The following GPR158 variants were observed in gnomAD, a reference collection of about 807,000 sequenced individuals.
The protein encoded by GPR158 is metabotropic glycine receptor.
Under a neutral mutation model 78.2 loss-of-function variants are expected in GPR158, and 30 were observed. The ratio of observed to expected loss-of-function variants is 0.38; its 90% CI spans 0.29 to 0.52. GPR158 has a LOEUF of 0.52. Among genes scored for constraint, GPR158 ranks in the 20% least tolerant of loss-of-function variants. The pLI is 0.83. For synonymous variants in GPR158, 581 were observed against 591.1 expected (o/e 0.98, Z 0.25); for missense variants, 1,463 against 1,523.5 (o/e 0.96, Z 0.66).
chr10:25,207,345 CT>C (rs1396240731), intron 1 of GPR158, among the ~76,000 whole-genome samples: 1 of 152,112 alleles, frequency 6.6e-6, no homozygotes, highest in Non-Finnish European at 1.5e-5. Context: ...CTCTATTAAT[CT>C]GTTTCCCCCC....
At chr10:25,480,298 A>G (rs1324494805) in intron 5 of GPR158, among the ~76,000 whole-genome samples, 2 of 152,138 alleles carry the variant, frequency 1.3e-5, no homozygotes, top group Admixed American at 1.3e-4. Flanking sequence ...ATTTTTATTC[A>G]TCTTTATTAT....
At chr10:25,585,094 T>C (rs1837249478) in intron 7 of GPR158, among the ~76,000 whole-genome samples, 1 of 152,220 alleles carries the variant, frequency 6.6e-6, no homozygotes, top group African/African-American at 2.4e-5. Flanking sequence ...TCACAATTAA[T>C]CAGTTACAAA....
chr10:25,246,757 G>T (rs1285081343), intron 2 of GPR158, among the ~76,000 whole-genome samples: 1 of 152,158 alleles, frequency 6.6e-6, no homozygotes, highest in South Asian at 2.1e-4. Context: ...GATTATTCTT[G>T]TAAGTTAAAG....
At chr10:25,256,503 T>C (rs1853890145) in intron 2 of GPR158, among the ~76,000 whole-genome samples, 1 of 151,956 alleles carries the variant, frequency 6.6e-6, no homozygotes, top group Non-Finnish European at 1.5e-5. Context: ...TACAATTTTT[T>C]TTTTAATTAG....
intron 4 of GPR158, among the ~76,000 whole-genome samples, chr10:25,419,690 A>G (rs1179290096): frequency 6.6e-6 from 1 of 152,072 alleles, no homozygotes; most frequent in African/African-American, 2.4e-5. Flanking sequence ...TTGTTTTAGT[A>G]TTAGCCATCT....
chr10:25,311,563 C>G (rs1427215869), intron 2 of GPR158, among the ~76,000 whole-genome samples: 1 of 152,064 alleles, frequency 6.6e-6, no homozygotes, highest in East Asian at 1.9e-4. Context: ...TGCTTCATCA[C>G]AGACGTTCTG....
chr10:25,492,025 G>A (rs554182034), intron 5 of GPR158, among the ~76,000 whole-genome samples: 1 of 152,274 alleles, frequency 6.6e-6, no homozygotes, highest in Admixed American at 6.5e-5. Context: ...TGTACAAGGA[G>A]CTTGGTGCCA....
rs1406361296 is a variant in GPR158 at position 25,370,670 on chromosome 10, G to A, written c.1009-25241G>A. Among the ~76,000 whole-genome samples the A allele has an allele frequency of 5.3e-5, 8 of 150,346 alleles. No homozygotes were observed. The South Asian group carries it at 1.1e-3, about 20-fold the overall frequency. Reference sequence around the variant, plus strand: ...TTGATTTGGGGTGGAGAGTTCTGTAGATGTCTATTAGGTCCGCTTGATGCA... The same window carrying A: ...TTGATTTGGGGTGGAGAGTTCTGTAAATGTCTATTAGGTCCGCTTGATGCA... On this transcript the variant is annotated intron_variant, in intron 2 of 10. Transcript: ENST00000376351.
intron 2 of GPR158, among the ~76,000 whole-genome samples, chr10:25,274,678 T>C (rs1340336177): frequency 6.6e-6 from 1 of 152,204 alleles, no homozygotes; most frequent in African/African-American, 2.4e-5. Flanking sequence ...AAATTAATTT[T>C]ACCTGATGCC....
intron 5 of GPR158, among the ~76,000 whole-genome samples, chr10:25,547,242 A>G (rs936197447): frequency 6.6e-6 from 1 of 152,028 alleles, no homozygotes; most frequent in East Asian, 1.9e-4. Flanking sequence ...CTGTAGCCGG[A>G]TGGATTCCCT....
intron 2 of GPR158, among the ~76,000 whole-genome samples, chr10:25,278,885 A>C (rs1854224992): frequency 6.6e-6 from 1 of 151,920 alleles, no homozygotes; most frequent in South Asian, 2.1e-4. Context: ...AAAGTACTTC[A>C]TAAAGATAAT....
At chr10:25,515,462 G>T (rs1172870300) in intron 5 of GPR158, among the ~76,000 whole-genome samples, 4 of 146,642 alleles carry the variant, frequency 2.7e-5, no homozygotes, top group South Asian at 2.2e-4. Flanking sequence ...CTGGTGCGCT[G>T]CACCCACTAA....
intron 4 of GPR158, among the ~76,000 whole-genome samples, chr10:25,429,777 A>G (rs1223524164): frequency 1.4e-5 from 2 of 141,782 alleles, no homozygotes; most frequent in Non-Finnish European, 3.1e-5. Context: ...CTATCTCAAT[A>G]GATGAAGAAA....
chr10:25,255,888 A>G (rs1042057718), intron 2 of GPR158, among the ~76,000 whole-genome samples: 9 of 152,224 alleles, frequency 5.9e-5, no homozygotes, highest in Non-Finnish European at 1.0e-4. Flanking sequence ...AATCCATCAT[A>G]TTATATACCT....
At chr10:25,498,289 C>T (rs1334429703) in intron 5 of GPR158, among the ~76,000 whole-genome samples, 2 of 152,084 alleles carry the variant, frequency 1.3e-5, no homozygotes, top group South Asian at 4.1e-4. Flanking sequence ...TATGTGTGTG[C>T]GTGTTGTGTA....
intron 5 of GPR158, among the ~76,000 whole-genome samples, chr10:25,533,872 T>G (rs917616629): frequency 6.6e-6 from 1 of 152,210 alleles, no homozygotes; most frequent in Non-Finnish European, 1.5e-5. Flanking sequence ...TTACCAGCTA[T>G]GTGACCTGGG....
intron 2 of GPR158, among the ~76,000 whole-genome samples, chr10:25,381,970 C>T (rs1834161466): frequency 6.6e-6 from 1 of 152,084 alleles, no homozygotes; most frequent in East Asian, 1.9e-4. Context: ...TTCTTTGTTG[C>T]CTCAGCAAAT....
At chr10:25,509,305 T>C (rs541197827) in intron 5 of GPR158, among the ~76,000 whole-genome samples, 1 of 152,298 alleles carries the variant, frequency 6.6e-6, no homozygotes, top group South Asian at 2.1e-4. Context: ...CTGAATATCA[T>C]GGACTTCGTG....
chr10:25,542,850 T>A (rs1324610107), intron 5 of GPR158, among the ~76,000 whole-genome samples: 1 of 149,336 alleles, frequency 6.7e-6, no homozygotes, highest in African/African-American at 2.5e-5. Context: ...AAAGTTCTAT[T>A]TCTAAGTTGA....
Sources: gnomAD v4.1 joint callset for allele counts (sites outside exome capture counted in the v4.1 genomes callset) on GRCh38, gnomAD v4.1.1 for gene constraint, MANE v1.5 for transcripts, NCBI Gene and HGNC (gene_info 2026-07-23, HGNC 2026-07-21) for gene names.